The following ZNF804A variants were observed in gnomAD, a reference collection of about 807,000 sequenced individuals.
The protein encoded by ZNF804A is zinc finger protein 804A.
Under a neutral mutation model 16.5 loss-of-function variants are expected in ZNF804A, and 2 were observed. The ratio of observed to expected loss-of-function variants is 0.12; its 90% CI spans 0.05 to 0.38. ZNF804A has a LOEUF of 0.38. Among genes scored for constraint, ZNF804A ranks in the 10% least tolerant of loss-of-function variants. The pLI, the probability that ZNF804A is intolerant of heterozygous loss-of-function variation, is 0.99. For synonymous variants in ZNF804A, 534 were observed against 489.6 expected (o/e 1.09, Z -1.20); for missense variants, 1,473 against 1,390.7 (o/e 1.06, Z -0.94).
chr2:184,858,348 A>G (rs535539943), intron 1 of ZNF804A, among the ~76,000 whole-genome samples: 72 of 152,028 alleles, frequency 4.7e-4, no homozygotes, highest in Non-Finnish European at 8.4e-4. Flanking sequence ...TATTAAAAAT[A>G]TAAAAATTAG....
chr2:184,805,352 T>C (rs1269345808), intron 1 of ZNF804A, among the ~76,000 whole-genome samples: 5 of 152,138 alleles, frequency 3.3e-5, no homozygotes, highest in African/African-American at 1.2e-4. Flanking sequence ...AACTTACAAA[T>C]GATATAATGT....
chr2:184,804,269 C>CT lies in ZNF804A; in HGVS notation c.112-62094dup, dbSNP rs1558966407. On this transcript the variant is annotated intron_variant, in intron 1 of 3. Coordinates refer to ENST00000302277, the MANE Select transcript of ZNF804A (RefSeq NM_194250.2). ...TTTAACTTCATTGCATGCACAAAGACTTTTTTGCCAAACAAGGTGACATTC... is the reference window on the plus strand; with the variant it reads ...TTTAACTTCATTGCATGCACAAAGACTTTTTTTGCCAAACAAGGTGACATTC... Among the ~76,000 whole-genome samples, 3 of 152,200 alleles carry CT rather than the reference C, an allele frequency of 2.0e-5. No individual in the cohort carries two copies. In the South Asian group the frequency reaches 6.2e-4, roughly 32 times the overall value.
At chr2:184,628,551 G>T (rs1574138073) in intron 1 of ZNF804A, among the ~76,000 whole-genome samples, 2 of 151,964 alleles carry the variant, frequency 1.3e-5, no homozygotes, top group Admixed American at 1.3e-4. Context: ...TATTTTAACA[G>T]ATTTATTTTA....
intron 1 of ZNF804A, among the ~76,000 whole-genome samples, chr2:184,830,349 A>G (rs1418110905): frequency 6.6e-6 from 1 of 152,176 alleles, no homozygotes; most frequent in African/African-American, 2.4e-5. Flanking sequence ...TTAAAATATT[A>G]TCAATTAATT....
In ZNF804A at chr2:184,938,585, C is replaced by G; in HGVS notation, c.3189C>G (p.Asn1063Lys). 4.3e-6 allele frequency: 7 copies of G among 1,614,084 alleles called. No individual in the cohort carries two copies. The highest frequency in any genetic ancestry group is 5.1e-6 in the Non-Finnish European group (6 of 1,180,000). The change falls in exon 4 of 4, where the codon AAC (asparagine) becomes AAG (lysine). Residue 1063 changes from asparagine to lysine, a missense_variant. Asn to Lys is a moderately conservative substitution (Grantham distance 94). Coordinates refer to ENST00000302277, the MANE Select transcript of ZNF804A (RefSeq NM_194250.2). ...TTCTGCAGCCAAACATGCTGGCCAA[C>G]AAGGTTAAATTTACCTTTCCTCCAG... ...QHILQPNMLA[N>K]KVKFTFPPAA... is the part of the protein sequence containing the mutation.
intron 2 of ZNF804A, among the ~76,000 whole-genome samples, chr2:184,911,537 G>A (rs903055728): frequency 3.3e-5 from 5 of 151,898 alleles, no homozygotes; most frequent in African/African-American, 1.2e-4. Context: ...GATAGTAATA[G>A]CATTTAATCT....
chr2:184,929,542 G>A (rs762652556), intron 2 of ZNF804A, among the ~76,000 whole-genome samples: 1 of 151,888 alleles, frequency 6.6e-6, no homozygotes, highest in East Asian at 1.9e-4. Context: ...TTATACTAAA[G>A]ATTTTATTAA....
intron 1 of ZNF804A, among the ~76,000 whole-genome samples, chr2:184,623,912 A>G (rs1273347458): frequency 6.6e-6 from 1 of 152,210 alleles, no homozygotes; most frequent in Non-Finnish European, 1.5e-5. Context: ...ACTTAAATAA[A>G]TCATCTGATT....
chr2:184,805,108 T>C (rs960122129), intron 1 of ZNF804A, among the ~76,000 whole-genome samples: 2 of 152,184 alleles, frequency 1.3e-5, no homozygotes, highest in South Asian at 2.1e-4. Context: ...TTTATCTAGA[T>C]ATACTAATAA....
At chr2:184,654,718 A>G (rs1692047284) in intron 1 of ZNF804A, among the ~76,000 whole-genome samples, 1 of 152,202 alleles carries the variant, frequency 6.6e-6, no homozygotes, top group South Asian at 2.1e-4. Flanking sequence ...GATAGCAGCT[A>G]TGAAAAAGCA....
intron 1 of ZNF804A, among the ~76,000 whole-genome samples, chr2:184,680,129 T>G (rs542411610): frequency 1.0e-3 from 155 of 152,334 alleles, no homozygotes; most frequent in African/African-American, 3.2e-3. Context: ...GTCTCCTGTC[T>G]GCTGAGAGCT....
At chr2:184,718,286 C>T (rs1443448386) in intron 1 of ZNF804A, among the ~76,000 whole-genome samples, 1 of 152,084 alleles carries the variant, frequency 6.6e-6, no homozygotes, top group Admixed American at 6.6e-5. Flanking sequence ...TACTGAGTCC[C>T]TCTCACAACA....
At chr2:184,631,029 T>G (rs1395949492) in intron 1 of ZNF804A, among the ~76,000 whole-genome samples, 2 of 152,300 alleles carry the variant, frequency 1.3e-5, no homozygotes, top group Admixed American at 1.3e-4. Context: ...ATGTTGCTGT[T>G]GAACTAAAGC....
chr2:184,858,635 CTAAT>C (rs1205845437), intron 1 of ZNF804A, among the ~76,000 whole-genome samples: 1 of 151,718 alleles, frequency 6.6e-6, no homozygotes, highest in Non-Finnish European at 1.5e-5. Flanking sequence ...TTTTTGTTAA[CTAAT>C]TATTGTAATG....
chr2:184,749,402 C>T (rs1693842288), intron 1 of ZNF804A, among the ~76,000 whole-genome samples: 1 of 151,160 alleles, frequency 6.6e-6, no homozygotes, highest in Non-Finnish European at 1.5e-5. Context: ...TAGAGCAATG[C>T]TCCTGATATT....
chr2:184,638,700 C>T (rs551315454), intron 1 of ZNF804A, among the ~76,000 whole-genome samples: 1 of 152,100 alleles, frequency 6.6e-6, no homozygotes, highest in Non-Finnish European at 1.5e-5. Flanking sequence ...AAACCATTTC[C>T]AATGTCTTGC....
In ZNF804A at chr2:184,606,003, T is replaced by C. The variant is rs1019552958; in HGVS notation, c.111+6933T>C. On this transcript the variant is annotated intron_variant, in intron 1 of 3. Transcript: ENST00000302277. The stretch of plus-strand genomic sequence containing the variant: ...TGGTTTAGCACCATTGGAAGAAAGT[T>C]ATATACTTTTCTAAATGTAAGTACA... 3.9e-5 allele frequency among the ~76,000 whole-genome samples: 6 copies of C among 152,202 alleles called. No homozygotes were observed. The South Asian group carries it at 1.2e-3, about 31-fold the overall frequency.
intron 2 of ZNF804A, among the ~76,000 whole-genome samples, chr2:184,886,665 C>T (rs2105820248): frequency 6.6e-6 from 1 of 152,368 alleles, no homozygotes; most frequent in Middle Eastern, 3.4e-3. Flanking sequence ...TGTGCACCTG[C>T]AGGCTCAACA....
chr2:184,925,255 T>C (rs1416520632), intron 2 of ZNF804A, among the ~76,000 whole-genome samples: 4 of 152,038 alleles, frequency 2.6e-5, no homozygotes, highest in Admixed American at 6.6e-5. Context: ...TATATCTTCT[T>C]GTTGATTTGA....
Sources: gnomAD v4.1 joint callset for allele counts (sites outside exome capture counted in the v4.1 genomes callset) on GRCh38, gnomAD v4.1.1 for gene constraint, MANE v1.5 for transcripts, NCBI Gene and HGNC (gene_info 2026-07-23, HGNC 2026-07-21) for gene names.